The following NECAB2 variants were observed in gnomAD, a reference collection of about 807,000 sequenced individuals.
The protein encoded by NECAB2 is N-terminal EF-hand calcium binding protein 2, also known as N-terminal EF-hand calcium-binding protein 2.
In NECAB2, 68 loss-of-function variants were observed where a neutral mutation model predicts 51.9. That is an observed-to-expected ratio of 1.31 (90% CI 1.08 to 1.60). The LOEUF (loss-of-function observed/expected upper bound fraction) is 1.60, where lower values mean the gene tolerates loss of function less well. Among genes scored for constraint, NECAB2 ranks in the 40% most tolerant of loss-of-function variants. NECAB2 has a pLI of 0.00. For synonymous variants in NECAB2, 329 were observed against 203.5 expected (o/e 1.62, Z -5.25); for missense variants, 854 against 490.3 (o/e 1.74, Z -7.00).
chr16:83,997,318 C>G, intron 9 of NECAB2, 49 bp downstream of exon 9: 2 of 1,611,100 alleles, frequency 1.2e-6, no homozygotes, highest in Non-Finnish European at 8.5e-7. Context: ...CTACCCATGC[C>G]AGGACTGCCA....
rs527889037 is a variant in NECAB2, at chr16:83,991,789, G to T, written c.596+1159G>T. ...AGCCTCCCAAGGAGCTGGGACTACA[G>T]GCATGTAGTCCCACCCACACCCAGC... On this transcript the variant is annotated intron_variant, in intron 6 of 12. Coordinates refer to ENST00000305202, the MANE Select transcript of NECAB2 (RefSeq NM_019065.3). Among the ~76,000 whole-genome samples the T allele has an allele frequency of 4.0e-4, 60 of 150,440 alleles. 1 individual carries two copies. In the South Asian group the frequency reaches 0.012, roughly 30 times the overall value.
rs767386324 is a variant in NECAB2, at chr16:84,000,697, C to T, written c.963-27C>T. On this transcript the variant is annotated intron_variant, in intron 10 of 12. Coordinates refer to ENST00000305202, the MANE Select transcript of NECAB2 (RefSeq NM_019065.3). ...GGTGGCCTTGGTTGAGCTCCAGCCT[C>T]CTCCCCCCGACCATCTCCTGTTGCA... The T allele has an allele frequency of 1.9e-5, 31 of 1,612,008 alleles. 1 individual carries two copies. The highest frequency in any genetic ancestry group is 1.7e-5 in the Admixed American group (1 of 59,960).
intron 5 of NECAB2, among the ~76,000 whole-genome samples, chr16:83,983,121 G>T (rs917360056): frequency 3.3e-5 from 5 of 152,042 alleles, no homozygotes; most frequent in African/African-American, 1.2e-4. Context: ...CGCCCACCTC[G>T]GCCTCCCAAA....
At chr16:83,968,978 C>T (rs1330898124) in intron 1 of NECAB2, 129 bp downstream of exon 1, 1 of 463,422 alleles carries the variant, frequency 2.2e-6, no homozygotes, top group Non-Finnish European at 2.9e-6. Context: ...ACCCCCGGCC[C>T]CTCCGCGTGC....
At chr16:84,002,171 G>C in intron 12 of NECAB2, 147 bp from the exon 13 acceptor site, 2 of 1,102,082 alleles carry the variant, frequency 1.8e-6, no homozygotes, top group Admixed American at 3.4e-5. Context: ...CCAGGTGTGT[G>C]GTTTGCACCT....
intron 2 of NECAB2, among the ~76,000 whole-genome samples, chr16:83,975,843 T>C (rs75115642): frequency 0.017 from 2,646 of 152,292 alleles, 83 homozygotes; most frequent in African/African-American, 0.059. Flanking sequence ...TTGGGGTCTC[T>C]GGCAAAAGTG....
rs763069872 is a variant in NECAB2 at position 83,998,285 on chromosome 16, G to C, written c.930G>C (p.Leu310=). The C allele has an allele frequency of 1.2e-6, 2 of 1,613,568 alleles. No homozygotes were observed. Among genetic ancestry groups the C allele is most frequent in the Admixed American group, 1.7e-5 (1 of 60,014 alleles). ...SEFLDSLRQY[L]RGTTGVRNCF... is the part of the protein sequence containing the mutation. ...TTCTGGACTCTCTGCGCCAGTATCT[G>C]CGGGGGACCACTGGCGTGAGGAACT... The change falls in exon 10 of 13, where the codon CTG becomes CTC. Residue 310 remains leucine, a synonymous_variant. Coordinates refer to ENST00000305202, the MANE Select transcript of NECAB2 (RefSeq NM_019065.3).
chr16:83,999,185 G>A (rs1473020332), intron 10 of NECAB2, among the ~76,000 whole-genome samples: 2 of 152,324 alleles, frequency 1.3e-5, no homozygotes, highest in East Asian at 1.9e-4. Context: ...TAGCACGAGG[G>A]GAGGAGTAGC....
rs372945388 is a variant in NECAB2 at position 83,985,960 on chromosome 16, G to C, written c.460-4534G>C. On this transcript the variant is annotated intron_variant, in intron 5 of 12. Transcript: ENST00000305202. ...TGCTGCTAAGAGGTACTTTTTTAAA[G>C]GTAAAATTATGTCTCTTCTGCAGGT... Among the ~76,000 whole-genome samples, 4 of 152,106 alleles carry C rather than the reference G, an allele frequency of 2.6e-5. No homozygotes were observed. The East Asian group carries it at 5.8e-4, about 22-fold the overall frequency.
rs376486359 is a variant in NECAB2, at chr16:83,972,412, GTC to G, written c.226+239_226+240del. 2.8e-4 allele frequency among the ~76,000 whole-genome samples: 43 copies of G among 152,360 alleles called. No homozygotes were observed. In the East Asian group the frequency reaches 4.4e-3, roughly 16 times the overall value. On this transcript the variant is annotated intron_variant, in intron 2 of 12. Transcript: ENST00000305202. ...ACAGCTCCACTCAAGGGCTCAGTGA[GTC>G]TTGTCTGTGATGCCAAGAACAATGA...
Position 84,002,525 on chromosome 16 carries a change from A to G in NECAB2, c.*179A>G. ...CCCCTGCCCCCACCTGAGAAGGCAG[A>G]GCAGTGTCTGTGCTGCCAGGTCCTG... On this transcript the variant is annotated 3_prime_UTR_variant, in exon 13 of 13. Transcript: ENST00000305202. The G allele has an allele frequency of 1.3e-6, 1 of 783,402 alleles. No individual in the cohort carries two copies. The highest frequency in any genetic ancestry group is 2.3e-5 in the Admixed American group (1 of 42,764). 48.5% of individuals were successfully genotyped at this position (783,402 alleles called of 1,614,324 possible).
chr16:83,981,435 C>T (rs147931787), intron 5 of NECAB2, among the ~76,000 whole-genome samples: 3 of 126,494 alleles, frequency 2.4e-5, no homozygotes, highest in African/African-American at 9.1e-5. Flanking sequence ...GTGTCGTACC[C>T]TTCAGGGTGG....
At chr16:83,992,379 C>CCCCG (rs1555548095) in intron 6 of NECAB2, among the ~76,000 whole-genome samples, 1 of 143,482 alleles carries the variant, frequency 7.0e-6, no homozygotes, top group African/African-American at 2.8e-5. Context: ...AGCACCCGTC[C>CCCCG]CCCCGCCCAC....
At chr16:83,990,191 T>C (rs2084604284) in intron 5 of NECAB2, among the ~76,000 whole-genome samples, 1 of 152,212 alleles carries the variant, frequency 6.6e-6, no homozygotes, top group South Asian at 2.1e-4. Context: ...TACACGCATG[T>C]TGCTGTTTAA....
In NECAB2 at chr16:83,968,818, C is replaced by T. The variant is rs1182525074; in HGVS notation, c.170C>T (p.Ser57Leu). ...GCCCCCGCGGACCCCGGCCCAGCCT[C>T]GCCGCGCGGGGGCACCGCCGTCATC... ...PAAPADPGPA[S>L]PRGGTAVILD... is the part of the protein sequence containing the mutation. Residue 57 changes from serine (S) to leucine (L), a missense_variant, in exon 1 of 13, where the codon TCG becomes TTG. Physicochemically the swap from Ser to Leu is moderately radical, Grantham distance 145. Coordinates refer to ENST00000305202, the MANE Select transcript of NECAB2 (RefSeq NM_019065.3). 7 of 1,126,924 alleles carry T rather than the reference C, an allele frequency of 6.2e-6. No individual in the cohort carries two copies. The highest frequency in any genetic ancestry group is 7.6e-6 in the Non-Finnish European group (7 of 922,244). The allele number at this position is 1,126,924 out of a possible 1,614,324, so 69.8% of individuals were successfully genotyped here.
chr16:83,965,503 G>T (rs140686634), upstream of NECAB2: 5 of 1,611,616 alleles, frequency 3.1e-6, no homozygotes, highest in African/African-American at 6.7e-5. Context: ...ACAACATCCC[G>T]GTGATCCATG....
At chr16:83,966,484 G>C (rs910886781), upstream of NECAB2, among the ~76,000 whole-genome samples, 7 of 152,188 alleles carry the variant, frequency 4.6e-5, no homozygotes, top group Admixed American at 3.3e-4. Flanking sequence ...GGGGTACAAA[G>C]GATGGTGCCC....
At position 83,994,606 on chromosome 16, in the gene NECAB2, C is replaced by T. The variant is rs200472011; in HGVS notation, c.716-3C>T. On this transcript the variant is annotated splice_polypyrimidine_tract_variant and splice_region_variant and intron_variant, in intron 7 of 12. Coordinates refer to ENST00000305202, the MANE Select transcript of NECAB2 (RefSeq NM_019065.3). Reference sequence around the variant, plus strand: ...AGTCTGTGTGTCTCTTTCTCTACCGCAGCCACGGAGGATGCAAAGGAAGAG... The same window carrying T: ...AGTCTGTGTGTCTCTTTCTCTACCGTAGCCACGGAGGATGCAAAGGAAGAG... 17 of 1,614,150 alleles carry T rather than the reference C, an allele frequency of 1.1e-5. No homozygotes were observed. The highest frequency in any genetic ancestry group is 1.3e-5 in the Non-Finnish European group (15 of 1,180,042).
intron 6 of NECAB2, among the ~76,000 whole-genome samples, chr16:83,993,158 C>G (rs970530528): frequency 6.6e-6 from 1 of 152,212 alleles, no homozygotes; most frequent in African/African-American, 2.4e-5. Context: ...GAGGACTATC[C>G]TGTTTCCCAG....
Sources: allele counts gnomAD v4.1 joint callset (sites outside exome capture counted in the v4.1 genomes callset), GRCh38; gene constraint gnomAD v4.1.1; transcripts MANE v1.5; gene names NCBI Gene and HGNC (gene_info 2026-07-23, HGNC 2026-07-21).